Variants in SGCZ observed in about 807,000 individuals in gnomAD.
SGCZ encodes zeta-sarcoglycan.
SGCZ carries 40 observed loss-of-function variants against 41.3 expected under a neutral mutation model. That is an observed-to-expected ratio of 0.97 (90% CI 0.75 to 1.26). SGCZ has a LOEUF of 1.26. SGCZ is among the 50% of genes most tolerant of loss of function. SGCZ has a pLI of 0.00. For missense variants in SGCZ, 552 were observed against 369.8 expected, an observed-to-expected ratio of 1.49 and a Z score of -4.04; for synonymous variants, 206 against 137.5, an observed-to-expected ratio of 1.50 and a Z score of -3.49.
chr8:14,553,090 A>C (rs1005786530), intron 2 of SGCZ, among the ~76,000 whole-genome samples: 2 of 152,100 alleles, frequency 1.3e-5, no homozygotes, highest in Non-Finnish European at 2.9e-5. Context: ...GCAGGACAAA[A>C]GAATGTGCAG....
chr8:14,867,397 G>C (rs780459266), intron 1 of SGCZ, among the ~76,000 whole-genome samples: 10 of 152,086 alleles, frequency 6.6e-5, no homozygotes, highest in Non-Finnish European at 1.2e-4. Flanking sequence ...ATAGGGAATA[G>C]TACTGCAATA....
intron 2 of SGCZ, among the ~76,000 whole-genome samples, chr8:14,354,144 A>G (rs1803204895): frequency 6.6e-6 from 1 of 152,044 alleles, no homozygotes; most frequent in Non-Finnish European, 1.5e-5. Flanking sequence ...CTCTGTATAT[A>G]TTGTAATTGC....
chr8:15,104,102 T>C (rs1251006630), intron 1 of SGCZ, among the ~76,000 whole-genome samples: 2 of 151,956 alleles, frequency 1.3e-5, no homozygotes, highest in Non-Finnish European at 2.9e-5. Flanking sequence ...GACTAAGTGC[T>C]CCACTTCTTA....
At chr8:14,911,929 T>G (rs1213424921) in intron 1 of SGCZ, among the ~76,000 whole-genome samples, 1 of 152,024 alleles carries the variant, frequency 6.6e-6, no homozygotes, top group Non-Finnish European at 1.5e-5. Flanking sequence ...TAAATGGATT[T>G]TGCACAGGTC....
At chr8:14,534,337 T>C (rs1265350064) in intron 2 of SGCZ, among the ~76,000 whole-genome samples, 2 of 141,928 alleles carry the variant, frequency 1.4e-5, no homozygotes, top group African/African-American at 4.9e-5. Flanking sequence ...GAGCTCTTTC[T>C]GTCTAAACTC....
At chr8:14,570,287 A>G (rs1008122097) in intron 1 of SGCZ, among the ~76,000 whole-genome samples, 2 of 152,156 alleles carry the variant, frequency 1.3e-5, no homozygotes, top group Non-Finnish European at 2.9e-5. Flanking sequence ...GTAAGTTCTG[A>G]TTGAATAAAA....
intron 3 of SGCZ, among the ~76,000 whole-genome samples, chr8:14,270,060 G>A (rs1391463179): frequency 2.6e-5 from 4 of 152,032 alleles, no homozygotes; most frequent in Non-Finnish European, 4.4e-5. Context: ...GTCCAGGTGT[G>A]GTGGTTCACG....
chr8:14,348,850 A>G (rs1270657571), intron 2 of SGCZ, among the ~76,000 whole-genome samples: 3 of 152,160 alleles, frequency 2.0e-5, no homozygotes, highest in Non-Finnish European at 4.4e-5. Flanking sequence ...CATTTTCTAA[A>G]CTTTACAAAA....
intron 1 of SGCZ, among the ~76,000 whole-genome samples, chr8:14,588,229 G>A (rs141017088): frequency 0.011 from 1,652 of 150,558 alleles, 9 homozygotes; most frequent in African/African-American, 0.015. Context: ...TCATCCATCT[G>A]CTAAAAGTCC....
At chr8:14,468,473 T>C (rs1801114041) in intron 2 of SGCZ, among the ~76,000 whole-genome samples, 1 of 152,128 alleles carries the variant, frequency 6.6e-6, no homozygotes, top group African/African-American at 2.4e-5. Context: ...CTTTTTAAAA[T>C]GGCTTATAGC....
At chr8:14,411,298 A>G (rs557457385) in intron 2 of SGCZ, among the ~76,000 whole-genome samples, 265 of 152,284 alleles carry the variant, frequency 1.7e-3, no homozygotes, top group African/African-American at 6.2e-3. Context: ...CAAAAAACGT[A>G]AAAGTTTTTA....
At chr8:14,366,837 A>C (rs1314048205) in intron 2 of SGCZ, among the ~76,000 whole-genome samples, 1 of 152,176 alleles carries the variant, frequency 6.6e-6, no homozygotes, top group African/African-American at 2.4e-5. Flanking sequence ...GGATAAAGGC[A>C]CAAAACCTTT....
intron 1 of SGCZ, among the ~76,000 whole-genome samples, chr8:15,057,658 C>T (rs1371839481): frequency 6.6e-6 from 1 of 152,110 alleles, no homozygotes; most frequent in Non-Finnish European, 1.5e-5. Context: ...CATTCACTTA[C>T]AAAGGACACA....
At chr8:14,443,568 T>C (rs1204477912) in intron 2 of SGCZ, among the ~76,000 whole-genome samples, 11 of 152,236 alleles carry the variant, frequency 7.2e-5, no homozygotes, top group South Asian at 2.1e-4. Context: ...GGAAAGGATT[T>C]CCTATTTAAG....
At chr8:15,224,477 T>C (rs920147835) in intron 1 of SGCZ, among the ~76,000 whole-genome samples, 4 of 152,118 alleles carry the variant, frequency 2.6e-5, no homozygotes, top group Non-Finnish European at 4.4e-5. Flanking sequence ...TATCAGACTA[T>C]CAAGAAAACT....
At chr8:15,181,265 A>G (rs268360) in intron 1 of SGCZ, among the ~76,000 whole-genome samples, 72,649 of 151,440 alleles carry the variant, frequency 0.48, 18,785 homozygotes, top group Non-Finnish European at 0.58. Context: ...ATAAAGATTT[A>G]TTCTTTTTAC....
chr8:14,377,192 G>A (rs1804163341), intron 2 of SGCZ, among the ~76,000 whole-genome samples: 1 of 152,148 alleles, frequency 6.6e-6, no homozygotes. Flanking sequence ...TTGAGATTGA[G>A]TAATCACCAA....
At chr8:14,989,775 G>A (rs78148189) in intron 1 of SGCZ, among the ~76,000 whole-genome samples, 3,676 of 152,202 alleles carry the variant, frequency 0.024, 76 homozygotes, top group South Asian at 0.1. Context: ...AAGAGAAATA[G>A]AGTTTCATCT....
At chr8:14,100,308 A>G (rs1801974533) in intron 7 of SGCZ, among the ~76,000 whole-genome samples, 1 of 151,490 alleles carries the variant, frequency 6.6e-6, no homozygotes, top group Admixed American at 6.6e-5. Context: ...AATGAATAAA[A>G]GAACATATGT....
Sources: allele counts gnomAD v4.1 joint callset (sites outside exome capture counted in the v4.1 genomes callset), GRCh38; gene constraint gnomAD v4.1.1; transcripts MANE v1.5; gene names NCBI Gene and HGNC (gene_info 2026-07-23, HGNC 2026-07-21).